Variants in DPYD observed in about 807,000 individuals in gnomAD.
The protein encoded by DPYD is dihydropyrimidine dehydrogenase, also known as dihydropyrimidine dehydrogenase [NADP(+)].
In DPYD, 109 loss-of-function variants were observed where a neutral mutation model predicts 116.2. The observed-to-expected ratio is 0.94, with a 90% CI of 0.80 to 1.10. DPYD has a LOEUF of 1.10. Ranked by LOEUF, DPYD falls within the 50% of genes least tolerant of loss-of-function variation. DPYD has a pLI of 0.00. For missense variants in DPYD, 1,302 were observed against 1,254.5 expected, an observed-to-expected ratio of 1.04 and a Z score of -0.57; for synonymous variants, 440 against 432.0, an observed-to-expected ratio of 1.02 and a Z score of -0.23.
At chr1:97,523,621 T>G (rs1271094196) in intron 12 of DPYD, among the ~76,000 whole-genome samples, 1 of 152,178 alleles carries the variant, frequency 6.6e-6, no homozygotes, top group Non-Finnish European at 1.5e-5. Context: ...CTTCAAAATA[T>G]TTTTTGCTTC....
At chr1:97,664,391 G>A (rs1315936355) in intron 8 of DPYD, among the ~76,000 whole-genome samples, 1 of 151,762 alleles carries the variant, frequency 6.6e-6, no homozygotes, top group Non-Finnish European at 1.5e-5. Flanking sequence ...ATATATGTGT[G>A]TGTGTACATA....
intron 3 of DPYD, among the ~76,000 whole-genome samples, chr1:97,754,544 T>A (rs1015949639): frequency 2.0e-5 from 3 of 152,216 alleles, no homozygotes; most frequent in African/African-American, 7.2e-5. Context: ...TACTTAAATG[T>A]GTTTGTGTTC....
At chr1:97,370,153 G>A (rs184669270) in intron 16 of DPYD, among the ~76,000 whole-genome samples, 1 of 152,184 alleles carries the variant, frequency 6.6e-6, no homozygotes, top group African/African-American at 2.4e-5. Context: ...TAGGATTGCT[G>A]GGTCAAATGG....
At chr1:97,228,546 T>C (rs1661348921) in intron 19 of DPYD, among the ~76,000 whole-genome samples, 1 of 152,242 alleles carries the variant, frequency 6.6e-6, no homozygotes, top group Non-Finnish European at 1.5e-5. Flanking sequence ...ATACACATGA[T>C]GAATAGTGTA....
chr1:97,745,711 A>G (rs1316051291), intron 3 of DPYD, among the ~76,000 whole-genome samples: 2 of 152,088 alleles, frequency 1.3e-5, no homozygotes, highest in African/African-American at 4.8e-5. Context: ...GACTACCTCT[A>G]TCTCCACCTC....
intron 13 of DPYD, among the ~76,000 whole-genome samples, chr1:97,492,934 T>G (rs1679050801): frequency 6.6e-6 from 1 of 152,170 alleles, no homozygotes; most frequent in Admixed American, 6.5e-5. Flanking sequence ...CACTGCAGAC[T>G]GTCATTTTTC....
chr1:97,217,940 TGA>T (rs1660522373), intron 19 of DPYD, among the ~76,000 whole-genome samples: 1 of 152,200 alleles, frequency 6.6e-6, no homozygotes, highest in East Asian at 1.9e-4. Flanking sequence ...TACAATCCAA[TGA>T]GATAGGTACT....
intron 12 of DPYD, among the ~76,000 whole-genome samples, chr1:97,527,748 T>C (rs1649256143): frequency 7.2e-6 from 1 of 139,188 alleles, no homozygotes; most frequent in South Asian, 2.3e-4. Context: ...TAAGTATACA[T>C]CCCAGTGGCA....
chr1:97,915,891 T>C (rs1674187015), intron 1 of DPYD, among the ~76,000 whole-genome samples: 1 of 152,178 alleles, frequency 6.6e-6, no homozygotes, highest in South Asian at 2.1e-4. Context: ...TTTGTCATGA[T>C]ATTTTACGAC....
chr1:97,555,388 A>C (rs1476393607), intron 11 of DPYD, among the ~76,000 whole-genome samples: 1 of 152,002 alleles, frequency 6.6e-6, no homozygotes, highest in South Asian at 2.1e-4. Context: ...TTATTCTGGA[A>C]CTTCTGGATG....
At chr1:97,754,293 A>C (rs916856818) in intron 3 of DPYD, among the ~76,000 whole-genome samples, 1 of 152,332 alleles carries the variant, frequency 6.6e-6, no homozygotes, top group South Asian at 2.1e-4. Flanking sequence ...CACAATATTC[A>C]GAAATAATAT....
In DPYD at chr1:97,079,460, A is replaced by G. The variant is rs557412720; in HGVS notation, c.2908-314T>C. Among the ~76,000 whole-genome samples the G allele has an allele frequency of 7.9e-5, 12 of 152,218 alleles. No individual in the cohort carries two copies. In the East Asian group the frequency reaches 2.3e-3, roughly 29 times the overall value. On this transcript the variant is annotated intron_variant, in intron 22 of 22. Transcript: ENST00000370192. ...TTCTGAGCAGAGTTCGGGTCTTTCC[A>G]GTTCTACCAGGATGGGGCGTCTTCT...
At chr1:97,847,848 G>A (rs550549585) in intron 2 of DPYD, among the ~76,000 whole-genome samples, 3 of 152,014 alleles carry the variant, frequency 2.0e-5, no homozygotes, top group Admixed American at 6.6e-5. Flanking sequence ...AAGATTCTCA[G>A]AATCAAAAAT....
At chr1:97,737,380 T>C (rs2101062872) in intron 4 of DPYD, among the ~76,000 whole-genome samples, 1 of 152,260 alleles carries the variant, frequency 6.6e-6, no homozygotes, top group Non-Finnish European at 1.5e-5. Context: ...TTTAAAAAAT[T>C]ACTGGGTTAT....
intron 20 of DPYD, among the ~76,000 whole-genome samples, chr1:97,100,821 T>C (rs1650625823): frequency 6.6e-6 from 1 of 152,092 alleles, no homozygotes; most frequent in Non-Finnish European, 1.5e-5. Flanking sequence ...GAAAATCTTT[T>C]GATGCTGAAT....
chr1:97,151,411 T>C (rs993016858), intron 20 of DPYD, among the ~76,000 whole-genome samples: 2 of 152,152 alleles, frequency 1.3e-5, no homozygotes, highest in African/African-American at 4.8e-5. Flanking sequence ...CAGTGGCTCA[T>C]GCCTGTAATC....
At chr1:97,286,943 C>CT (rs1365442891) in intron 18 of DPYD, among the ~76,000 whole-genome samples, 2 of 152,230 alleles carry the variant, frequency 1.3e-5, no homozygotes, top group African/African-American at 4.8e-5. Context: ...CTCTGCCCAG[C>CT]TTTGTTACGT....
intron 11 of DPYD, among the ~76,000 whole-genome samples, chr1:97,571,603 C>T (rs1454805834): frequency 6.6e-6 from 1 of 151,828 alleles, no homozygotes; most frequent in African/African-American, 2.4e-5. Context: ...TGCATTAAAA[C>T]AGGTATCACA....
chr1:97,904,888 A>G (rs1487953693), intron 1 of DPYD, among the ~76,000 whole-genome samples: 3 of 151,974 alleles, frequency 2.0e-5, no homozygotes, highest in Non-Finnish European at 4.4e-5. Flanking sequence ...TTCCATATCA[A>G]TCCAAATCAG....
Sources: gnomAD v4.1 joint callset for allele counts (sites outside exome capture counted in the v4.1 genomes callset) on GRCh38, gnomAD v4.1.1 for gene constraint, MANE v1.5 for transcripts, NCBI Gene and HGNC (gene_info 2026-07-23, HGNC 2026-07-21) for gene names.